Variants in FNIP2 observed in about 807,000 individuals in gnomAD.
The protein encoded by FNIP2 is folliculin interacting protein 2.
In FNIP2, 32 loss-of-function variants were observed where a neutral mutation model predicts 108.7. That is an observed-to-expected ratio of 0.29 (90% CI 0.22 to 0.40). The LOEUF (loss-of-function observed/expected upper bound fraction) is 0.40. Among genes scored for constraint, FNIP2 ranks in the 10% least tolerant of loss-of-function variants. The probability of loss-of-function intolerance (pLI) is 1.00; values close to 1 mark genes in which losing one functional copy is unlikely to be tolerated. For missense variants in FNIP2, 1,202 were observed against 1,381.6 expected (o/e 0.87, Z 2.06); for synonymous variants, 480 against 496.7 (o/e 0.97, Z 0.45).
Position 158,832,049 on chromosome 4 carries a change from C to A in FNIP2, c.483-18C>A, listed in dbSNP as rs149954508. The A allele has an allele frequency of 6.2e-7, 1 of 1,611,884 alleles. No individual in the cohort carries two copies. On this transcript the variant is annotated intron_variant, in intron 4 of 16. Coordinates refer to ENST00000264433, the MANE Select transcript of FNIP2 (RefSeq NM_020840.3). ...CTCATAAATTTATTTTTCCCCTCTC[C>A]TTTTTTCCCCTCCACAGTTCTCCTC...
intron 14 of FNIP2, among the ~76,000 whole-genome samples, chr4:158,881,256 T>TGATGCTGAGCCGAAG (rs1781579577): frequency 6.8e-6 from 1 of 147,782 alleles, no homozygotes; most frequent in African/African-American, 2.5e-5. Flanking sequence ...GGTCTCCCTC[T>TGATGCTGAGCCGAAG]CCCTCTCTTT....
intron 1 of FNIP2, among the ~76,000 whole-genome samples, chr4:158,790,135 T>C (rs770201130): frequency 1.3e-4 from 20 of 151,790 alleles, no homozygotes; most frequent in Non-Finnish European, 2.8e-4. Flanking sequence ...GAAACATAAG[T>C]GAATTTTATG....
At chr4:158,796,004 C>T (rs1399312918) in intron 1 of FNIP2, 1 of 90,634 alleles carries the variant, frequency 1.1e-5, no homozygotes, top group Non-Finnish European at 2.4e-5. Flanking sequence ...AGTGTGTAGA[C>T]TCGGTGACTG....
intron 10 of FNIP2, among the ~76,000 whole-genome samples, chr4:158,860,333 A>G (rs1294484641): frequency 1.3e-5 from 2 of 152,130 alleles, no homozygotes; most frequent in African/African-American, 4.8e-5. Context: ...AAAATTTATA[A>G]TCCTTTGAAT....
intron 14 of FNIP2, chr4:158,871,739 ATAATATCATAATTATT>A: frequency 6.1e-6 from 6 of 984,700 alleles, no homozygotes; most frequent in Non-Finnish European, 7.2e-6. Context: ...TTTTGTCCCT[ATAATATCATAATTATT>A]TAATATCATA....
At chr4:158,870,547 C>G in intron 14 of FNIP2, 78 bp downstream of exon 14, 1 of 1,507,522 alleles carries the variant, frequency 6.6e-7, no homozygotes, top group Non-Finnish European at 9.0e-7. Context: ...GGTGTTTAGA[C>G]TGAAGAGAGA....
chr4:158,871,354 G>T, intron 14 of FNIP2: 1 of 981,100 alleles, frequency 1.0e-6, no homozygotes, highest in South Asian at 4.7e-5. Context: ...AGTCCTCATC[G>T]CATTAAGAAA....
chr4:158,814,486 T>C (rs1218234338), intron 1 of FNIP2, among the ~76,000 whole-genome samples: 1 of 152,224 alleles, frequency 6.6e-6, no homozygotes, highest in Non-Finnish European at 1.5e-5. Flanking sequence ...TCACCAGCCT[T>C]CCCCTGCCTA....
At chr4:158,801,626 A>G (rs1390286439) in intron 1 of FNIP2, among the ~76,000 whole-genome samples, 1 of 152,168 alleles carries the variant, frequency 6.6e-6, no homozygotes, top group Non-Finnish European at 1.5e-5. Context: ...AGAAGATATT[A>G]CTACTGCCTA....
At chr4:158,884,154 A>G (rs1781886935) in intron 14 of FNIP2, among the ~76,000 whole-genome samples, 1 of 152,210 alleles carries the variant, frequency 6.6e-6, no homozygotes, top group African/African-American at 2.4e-5. Context: ...TACATAGAAA[A>G]GAAATATATT....
chr4:158,848,489 T>TGCCCAAGAAGGGTGGGTACAGACAAGCCC (rs1779526461), intron 7 of FNIP2, among the ~76,000 whole-genome samples: 1 of 152,210 alleles, frequency 6.6e-6, no homozygotes, highest in Non-Finnish European at 1.5e-5. Context: ...TTGGAAAGCC[T>TGCCCAAGAAGGGTGGGTACAGACAAGCCC]GCCCAAGAAG....
chr4:158,851,749 A>G (rs1729875890), intron 8 of FNIP2, among the ~76,000 whole-genome samples: 1 of 152,228 alleles, frequency 6.6e-6, no homozygotes, highest in Non-Finnish European at 1.5e-5. Flanking sequence ...AGTCCCTTCC[A>G]GATGTAGCTT....
chr4:158,832,506 T>C lies in FNIP2; in HGVS notation c.554+368T>C, dbSNP rs559802118. ...ATATTCATTCATGTATTTTGAACTT[T>C]CAAGCAGAAATATTTCATATACTTC... is the stretch of plus-strand genomic sequence containing the variant. On this transcript the variant is annotated intron_variant, in intron 5 of 16. Coordinates refer to ENST00000264433, the MANE Select transcript of FNIP2 (RefSeq NM_020840.3). Among the ~76,000 whole-genome samples, 6 of 152,352 alleles carry C rather than the reference T, an allele frequency of 3.9e-5. No homozygotes were observed. In the East Asian group the frequency reaches 1.2e-3, roughly 29 times the overall value.
intron 13 of FNIP2, 134 bp from the exon 14 acceptor site, chr4:158,870,179 C>G (rs1780855605): frequency 3.3e-6 from 3 of 903,616 alleles, no homozygotes; most frequent in African/African-American, 3.3e-5. Context: ...GATCCACTTA[C>G]TTGAGGGTTG....
rs772951747 is a variant in FNIP2, at chr4:158,859,210, T to C, written c.1011T>C (p.Phe337=). 2.2e-5 allele frequency: 36 copies of C among 1,612,316 alleles called. No individual in the cohort carries two copies. The highest frequency in any genetic ancestry group is 3.1e-5 in the Non-Finnish European group (36 of 1,179,102). The part of the protein sequence containing the change: ...RNFQDFFFSH[F]PLFESHMNRL... ...TCCAGGACTTCTTCTTTTCTCATTT[T>C]CCCCTGTTTGAATCTCACATGAACA... Residue 337 remains phenylalanine, a synonymous_variant, in exon 9 of 17, where the codon TTT becomes TTC. Transcript: ENST00000264433.
chr4:158,835,453 G>A lies in FNIP2; in HGVS notation c.704G>A (p.Arg235Lys). ...CCAAGCAGAGGACAGAATGAAGACA[G>A]GGACAGTGGCATTGCTCGATCAGGT... ...DMPSRGQNED[R>K]DSGIARSASL... Residue 235 changes from arginine to lysine, a missense_variant, in exon 7 of 17, where the codon AGG becomes AAG. Arg to Lys is a conservative substitution (Grantham distance 26). This residue lies in a region of FNIP2 where 878 missense variants were observed against 990.3 expected (regional missense o/e 0.89). Transcript: ENST00000264433. The A allele has an allele frequency of 1.2e-6, 2 of 1,612,546 alleles. No individual in the cohort carries two copies. The highest frequency in any genetic ancestry group is 1.7e-6 in the Non-Finnish European group (2 of 1,179,048).
In FNIP2 at chr4:158,868,318, A is replaced by G; in HGVS notation, c.1682A>G (p.Glu561Gly). The G allele has an allele frequency of 6.2e-7, 1 of 1,614,056 alleles. No individual in the cohort carries two copies. Among genetic ancestry groups the G allele is most frequent in the Non-Finnish European group, 8.5e-7 (1 of 1,179,900 alleles). Residue 561 changes from glutamate (E) to glycine (G), a missense_variant, in exon 13 of 17, where the codon GAG (glutamate) becomes GGG (glycine). Transcript: ENST00000264433. The surrounding 1 kb of genome is among the most constrained non-coding windows in gnomAD (Gnocchi z 4.6). ...ATCATAACAGCCTTGGAGAAAGGAG[A>G]GGTGGAGGAGTCTGAGTATGTGGTC... The part of the protein sequence containing the change: ...SKIITALEKG[E>G]VEESEYVVIT...
chr4:158,855,697 C>T (rs746437673), intron 8 of FNIP2, among the ~76,000 whole-genome samples: 2 of 152,202 alleles, frequency 1.3e-5, no homozygotes, highest in African/African-American at 2.4e-5. Flanking sequence ...CCTCCCACCT[C>T]GGCCTCCCAA....
At chr4:158,839,857 T>A (rs548187031) in intron 7 of FNIP2, among the ~76,000 whole-genome samples, 3 of 152,192 alleles carry the variant, frequency 2.0e-5, no homozygotes, top group African/African-American at 4.8e-5. Flanking sequence ...TGTCCTAGAA[T>A]CAGCCATTTC....
Sources: allele counts gnomAD v4.1 joint callset (sites outside exome capture counted in the v4.1 genomes callset), GRCh38; gene constraint gnomAD v4.1.1; regional missense constraint gnomAD v4.1.1; non-coding constraint Gnocchi (gnomAD v3.1); transcripts MANE v1.5; gene names NCBI Gene and HGNC (gene_info 2026-07-23, HGNC 2026-07-21).